ANXA8: variants seen among roughly 807,000 people sequenced by gnomAD.
ANXA8 encodes the protein VAC-beta.
ANXA8 carries 9 observed loss-of-function variants against 26.8 expected under a neutral mutation model. That is an observed-to-expected ratio of 0.34 (90% CI 0.20 to 0.59). The LOEUF is 0.59. Among genes scored for constraint, ANXA8 ranks in the 20% least tolerant of loss-of-function variants. ANXA8 has a pLI of 0.84. For synonymous variants in ANXA8, 39 were observed against 94.8 expected (o/e 0.41, Z 3.42); for missense variants, 83 against 238.5 (o/e 0.35, Z 4.29).
the ANXA8 span, chr10:47,706,218 T>TC: frequency 3.2e-6 from 2 of 633,092 alleles, no homozygotes; most frequent in Non-Finnish European, 5.2e-6. Flanking sequence ...GCAGTCAAAG[T>TC]CCCGGAAGAT....
chr10:47,685,122 G>T, the ANXA8 span, among the ~76,000 whole-genome samples: 1 of 150,004 alleles, frequency 6.7e-6, no homozygotes, highest in Middle Eastern at 3.4e-3. Context: ...TGAGGCGGGC[G>T]GATCAGCTGA....
At chr10:47,616,266 T>C in the ANXA8 span, among the ~76,000 whole-genome samples, 2 of 72,336 alleles carry the variant, frequency 2.8e-5, no homozygotes, top group Non-Finnish European at 6.9e-5. Context: ...CTGATCTTTT[T>C]CTATTGAGAG....
the ANXA8 span, among the ~76,000 whole-genome samples, chr10:47,749,672 A>AGG: frequency 7.1e-6 from 1 of 140,660 alleles, no homozygotes; most frequent in Non-Finnish European, 1.6e-5. Context: ...AACCAATGGT[A>AGG]GGGGGGGAAA....
chr10:47,689,085 C>T, the ANXA8 span, among the ~76,000 whole-genome samples: 1 of 133,394 alleles, frequency 7.5e-6, no homozygotes, highest in African/African-American at 2.7e-5. Flanking sequence ...TGCAGTCCAG[C>T]CTGGGCAACA....
chr10:47,484,174 G>T (rs1387920373), upstream of ANXA8: 28 of 880,920 alleles, frequency 3.2e-5, no homozygotes, highest in African/African-American at 4.0e-4. Flanking sequence ...GCCCAGGCCT[G>T]CTCTGGGGAA....
chr10:47,733,219 T>TTCTTTCTTTCTCTCTC, the ANXA8 span, among the ~76,000 whole-genome samples: 1 of 68,108 alleles, frequency 1.5e-5, no homozygotes, highest in Admixed American at 1.7e-4. Context: ...CTTTCTTTCT[T>TTCTTTCTTTCTCTCTC]TCTCTTTCTT....
the ANXA8 span, among the ~76,000 whole-genome samples, chr10:47,767,652 G>T: frequency 1.3e-5 from 2 of 151,428 alleles, no homozygotes; most frequent in African/African-American, 4.9e-5. Flanking sequence ...TGGCTGCTCA[G>T]CCTAGTTCAT....
the ANXA8 span, among the ~76,000 whole-genome samples, chr10:47,937,026 GT>G: frequency 6.7e-6 from 1 of 150,042 alleles, no homozygotes; most frequent in Non-Finnish European, 1.5e-5. Flanking sequence ...GGGAGGCGGA[GT>G]TCTGAGGAAG....
chr10:47,735,637 A>G, the ANXA8 span, among the ~76,000 whole-genome samples: 2 of 148,490 alleles, frequency 1.3e-5, no homozygotes, highest in Non-Finnish European at 3.0e-5. Flanking sequence ...TCCTGCATGT[A>G]TCTACATCTT....
At chr10:47,942,344 C>A in the ANXA8 span, among the ~76,000 whole-genome samples, 10 of 145,156 alleles carry the variant, frequency 6.9e-5, no homozygotes, top group Non-Finnish European at 1.5e-4. Flanking sequence ...TTCTAAGCCT[C>A]TGACACCTTT....
At chr10:47,948,789 A>G in the ANXA8 span, among the ~76,000 whole-genome samples, 1 of 151,156 alleles carries the variant, frequency 6.6e-6, no homozygotes, top group African/African-American at 2.4e-5. Flanking sequence ...AGATAAGCAC[A>G]AAGAAAACTA....
At chr10:47,666,935 T>A in the ANXA8 span, among the ~76,000 whole-genome samples, 1 of 152,058 alleles carries the variant, frequency 6.6e-6, no homozygotes, top group Non-Finnish European at 1.5e-5. Context: ...TTTGCATGAT[T>A]TGCTGTGTCC....
At chr10:47,744,439 A>AGGGGGGGTTGGGGGG in the ANXA8 span, among the ~76,000 whole-genome samples, 1 of 23,796 alleles carries the variant, frequency 4.2e-5, no homozygotes, top group African/African-American at 1.9e-4. Flanking sequence ...GGAGGGGGGA[A>AGGGGGGGTTGGGGGG]GAGGGGGGGC....
the ANXA8 span, among the ~76,000 whole-genome samples, chr10:47,909,550 G>A: frequency 7.0e-6 from 1 of 143,280 alleles, no homozygotes; most frequent in Admixed American, 6.9e-5. Context: ...GTGACTCACG[G>A]AGGAATGGAA....
the ANXA8 span, among the ~76,000 whole-genome samples, chr10:47,639,302 A>ATTT: frequency 1.6e-5 from 1 of 62,068 alleles, no homozygotes; most frequent in African/African-American, 5.9e-5. Context: ...CCGGCTAATT[A>ATTT]TTATTATTAT....
the ANXA8 span, among the ~76,000 whole-genome samples, chr10:47,653,081 G>A: frequency 6.6e-6 from 1 of 150,858 alleles, no homozygotes; most frequent in East Asian, 1.9e-4. Context: ...GGAGGCCAAG[G>A]CAGGTAGATC....
the ANXA8 span, among the ~76,000 whole-genome samples, chr10:47,724,261 C>T: frequency 7.4e-6 from 1 of 134,672 alleles, no homozygotes; most frequent in Non-Finnish European, 1.6e-5. Context: ...GTCCCTACTA[C>T]CTATTGCGCA....
chr10:47,518,448 G>C, the ANXA8 span, among the ~76,000 whole-genome samples: 1 of 126,558 alleles, frequency 7.9e-6, no homozygotes. Flanking sequence ...GTCTCACTCT[G>C]TCACCTAGGC....
At chr10:47,658,140 C>A in the ANXA8 span, among the ~76,000 whole-genome samples, 1 of 151,828 alleles carries the variant, frequency 6.6e-6, no homozygotes, top group East Asian at 1.9e-4. Flanking sequence ...GAGGCTGAGG[C>A]GGGTGGATCA....
Sources: gnomAD v4.1 joint callset for allele counts (sites outside exome capture counted in the v4.1 genomes callset) on GRCh38, gnomAD v4.1.1 for gene constraint, MANE v1.5 for transcripts, NCBI Gene and HGNC (gene_info 2026-07-23, HGNC 2026-07-21) for gene names.